Variants in SEMA6B observed in about 807,000 individuals in gnomAD.
SEMA6B encodes the protein semaphorin 6B, also known as semaphorin-6B.
SEMA6B carries 47 observed loss-of-function variants against 78.6 expected under a neutral mutation model. The observed-to-expected ratio is 0.60, with a 90% confidence interval of 0.47 to 0.76. SEMA6B has a LOEUF of 0.76. SEMA6B is among the 30% of genes least tolerant of loss of function. The pLI is 0.00. For synonymous variants in SEMA6B, 632 were observed against 592.2 expected, an observed-to-expected ratio of 1.07 and a Z score of -0.98; for missense variants, 1,213 against 1,269.9, an observed-to-expected ratio of 0.96 and a Z score of 0.68.
rs1977111357 is a variant in SEMA6B, at chr19:4,544,425, C to T, written c.1843G>A (p.Gly615Ser). The T allele has an allele frequency of 1.9e-6, 3 of 1,603,318 alleles. No homozygotes were observed. Among genetic ancestry groups the T allele is most frequent in the East Asian group, 2.3e-5 (1 of 44,088 alleles). Residue 615 changes from glycine (G) to serine (S), a missense_variant, in exon 17 of 17, where the codon GGC becomes AGC. Coordinates refer to ENST00000586582, the MANE Select transcript of SEMA6B (RefSeq NM_032108.4). The surrounding 1 kb of genome is among the most constrained non-coding windows in gnomAD (Gnocchi z 5.1). ...AAFVVGAVVS[G>S]FSVGWFVGLR... ...CCCACGAACCAGCCCACGCTGAAGC[C>T]GGACACCACGGCTCCCACCACGAAG...
chr19:4,543,063 A>G lies in SEMA6B; in HGVS notation c.*538T>C. ...TGGCCCACTTGACACACACGCCCAC[A>G]GCAGCCTTCGCTGGCACGCACACAC... On this transcript the variant is annotated 3_prime_UTR_variant, in exon 17 of 17. Coordinates refer to ENST00000586582, the MANE Select transcript of SEMA6B (RefSeq NM_032108.4). 4.6e-6 allele frequency: 3 copies of G among 649,140 alleles called. No homozygotes were observed. Among genetic ancestry groups the G allele is most frequent in the Non-Finnish European group, 8.4e-6 (3 of 356,246 alleles). 40.2% of individuals were successfully genotyped at this position (649,140 alleles called of 1,614,324 possible). A position where few individuals can be genotyped will look rare whatever the true frequency, so the allele number is the denominator to read the frequency against.
intron 14 of SEMA6B, 113 bp downstream of exon 14, chr19:4,547,914 G>T: frequency 7.4e-7 from 1 of 1,342,806 alleles, no homozygotes; most frequent in South Asian, 1.5e-5. Flanking sequence ...CATGCCCTCT[G>T]CCCAGCTCAA....
In SEMA6B at chr19:4,555,868, A is replaced by G; in HGVS notation, c.471+120T>C. On this transcript the variant is annotated intron_variant, in intron 6 of 16. Coordinates refer to ENST00000586582, the MANE Select transcript of SEMA6B (RefSeq NM_032108.4). The surrounding 1 kb of genome is among the most constrained non-coding windows in gnomAD (Gnocchi z 6.1). ...CTCAGGGGGAGGAGGCAGGGAGAGT[A>G]TATCCAGGAAGGCTTCCTGGAGGAG... 1.2e-6 allele frequency: 1 copy of G among 812,772 alleles called. No individual in the cohort carries two copies. The highest frequency in any genetic ancestry group is 2.1e-6 in the Non-Finnish European group (1 of 470,898). The allele number at this position is 812,772 out of a possible 1,614,324, so 50.3% of individuals were successfully genotyped here.
chr19:4,544,623 A>C lies in SEMA6B; in HGVS notation c.1739-94T>G. The C allele has an allele frequency of 1.6e-6, 1 of 632,134 alleles. No individual in the cohort carries two copies. 39.2% of individuals were successfully genotyped at this position (632,134 alleles called of 1,614,324 possible). ...GGGGCCCTCTGTCCTCTTTTTTATT[A>C]TTTTTATTTTTTTTTATTTATTTAT... is the stretch of plus-strand genomic sequence containing the variant. On this transcript the variant is annotated intron_variant, in intron 16 of 16. Transcript: ENST00000586582. The surrounding 1 kb of genome is among the most constrained non-coding windows in gnomAD (Gnocchi z 5.1).
In SEMA6B at chr19:4,548,303, T is replaced by C. The variant is rs776308138; in HGVS notation, c.1414A>G (p.Ser472Gly). Reference protein sequence around the residue: ...NASTSGTSGLSVFLEEFETYR... With the variant: ...NASTSGTSGLGVFLEEFETYR... ...GTCTCAAACTCCTCCAGGAAGACAC[T>C]GAGCCCAGACGTCCCTGAGGTGCTG... The change falls in exon 13 of 17, where the codon AGT (serine) becomes GGT (glycine). Residue 472 changes from serine to glycine, a missense_variant. By Grantham distance (56) the Ser-to-Gly change is moderately conservative. Transcript: ENST00000586582. 1 of 1,613,618 alleles carries C rather than the reference T, an allele frequency of 6.2e-7. No homozygotes were observed. The highest frequency in any genetic ancestry group is 8.5e-7 in the Non-Finnish European group (1 of 1,179,870).
rs578174508 is a variant in SEMA6B at position 4,548,119 on chromosome 19, C to T, written c.1509G>A (p.Leu503=). Residue 503 remains leucine (L), a synonymous_variant, in exon 14 of 17, where the codon CTG becomes CTA. Transcript: ENST00000586582. ...ETGQRLLSLE[L]DAASGGLLAA... ...CCAGCAGGCCCCCCGAAGCTGCGTC[C>T]AGCTCCAAGCTCAGCAGCCGCTGCC... 8.8e-6 allele frequency: 14 copies of T among 1,592,224 alleles called. No individual in the cohort carries two copies. The South Asian group carries it at 1.4e-4, about 16-fold the overall frequency.
chr19:4,550,237 T>C lies in SEMA6B; in HGVS notation c.1157A>G (p.Asn386Ser), dbSNP rs763966853. The change falls in exon 12 of 17, where the codon AAT becomes AGT. Residue 386 changes from asparagine (N) to serine (S), a missense_variant. By Grantham distance (46) the Asn-to-Ser change is conservative. Transcript: ENST00000586582. This position sits in a 1 kb window ranked among gnomAD's most constrained non-coding sequence, Gnocchi z 6.6. ...GCCAAPGMQY[N>S]ASSALPDDIL... ...GTCATCCGGCAAGGCGCTGGAGGCA[T>C]TGTACTGCATCCCGGGGGCTGCGCA... 6.2e-7 allele frequency: 1 copy of C among 1,613,514 alleles called. No individual in the cohort carries two copies. Among genetic ancestry groups the C allele is most frequent in the Non-Finnish European group, 8.5e-7 (1 of 1,179,934 alleles).
Position 4,543,149 on chromosome 19 carries a change from C to T in SEMA6B, c.*452G>A. 1 of 611,856 alleles carries T rather than the reference C, an allele frequency of 1.6e-6. No individual in the cohort carries two copies. The highest frequency in any genetic ancestry group is 1.9e-5 in the South Asian group (1 of 53,680). 37.9% of individuals were successfully genotyped at this position (611,856 alleles called of 1,614,324 possible). On this transcript the variant is annotated 3_prime_UTR_variant, in exon 17 of 17. Coordinates refer to ENST00000586582, the MANE Select transcript of SEMA6B (RefSeq NM_032108.4). ...GCACGCACACGCACGCACACCCACA[C>T]ACGCCAGGGGCCTGGGTTGGGGAGG...
At position 4,556,017 on chromosome 19, in the gene SEMA6B, C is replaced by G; in HGVS notation, c.442G>C (p.Ala148Pro). Residue 148 changes from alanine to proline, a missense_variant, in exon 6 of 17, where the codon GCC (alanine) becomes CCC (proline). Transcript: ENST00000586582. ...TAGTTGGCGCACACCGGGTTGAAGG[C>G]GTTGGAACCGCACACAAAGAGCGTG... is the stretch of plus-strand genomic sequence containing the variant. The part of the protein sequence containing the change: ...ESTLFVCGSN[A>P]FNPVCANYSI... 6.2e-7 allele frequency: 1 copy of G among 1,614,138 alleles called. No individual in the cohort carries two copies. Among genetic ancestry groups the G allele is most frequent in the Non-Finnish European group, 8.5e-7 (1 of 1,179,984 alleles).
In SEMA6B at chr19:4,550,449, C is replaced by T. The variant is rs772584373; in HGVS notation, c.1122-177G>A. 2.2e-4 allele frequency among the ~76,000 whole-genome samples: 34 copies of T among 152,192 alleles called. No individual in the cohort carries two copies. Among genetic ancestry groups the T allele is most frequent in the Non-Finnish European group, 4.4e-4 (30 of 67,996 alleles). ...GAGTGCTTTGGCTCACTGCAACCTC[C>T]ACCTCCTGGGTTCAAGCGATTCTCC... On this transcript the variant is annotated intron_variant, in intron 11 of 16. Coordinates refer to ENST00000586582, the MANE Select transcript of SEMA6B (RefSeq NM_032108.4). The surrounding 1 kb of genome is among the most constrained non-coding windows in gnomAD (Gnocchi z 6.6).
rs985525461 is a variant in SEMA6B, at chr19:4,544,631, T to A, written c.1739-102A>T. On this transcript the variant is annotated intron_variant, in intron 16 of 16. Coordinates refer to ENST00000586582, the MANE Select transcript of SEMA6B (RefSeq NM_032108.4). This position sits in a 1 kb window ranked among gnomAD's most constrained non-coding sequence, Gnocchi z 5.1. ...CTGTCCTCTTTTTTATTATTTTTATTTTTTTTTATTTATTTATTTTTTGAG... is the reference window on the plus strand; with the variant it reads ...CTGTCCTCTTTTTTATTATTTTTATATTTTTTTATTTATTTATTTTTTGAG... 6 of 617,474 alleles carry A rather than the reference T, an allele frequency of 9.7e-6. No homozygotes were observed. The highest frequency in any genetic ancestry group is 3.8e-5 in the African/African-American group (2 of 52,302). 38.2% of individuals were successfully genotyped at this position (617,474 alleles called of 1,614,324 possible).
intron 16 of SEMA6B, 101 bp downstream of exon 16, chr19:4,546,115 C>T: frequency 1.6e-6 from 2 of 1,261,042 alleles, no homozygotes; most frequent in Non-Finnish European, 2.2e-6. Flanking sequence ...CCAGTTTCCC[C>T]ACCCACCTCC....
In SEMA6B at chr19:4,552,420, A is replaced by G; in HGVS notation, c.989+2T>C. On this transcript the variant is annotated splice_donor_variant, in intron 10 of 16. Coordinates refer to ENST00000586582, the MANE Select transcript of SEMA6B (RefSeq NM_032108.4). LOFTEE classifies it high-confidence loss of function. This position sits in a 1 kb window ranked among gnomAD's most constrained non-coding sequence, Gnocchi z 7.4. The stretch of plus-strand genomic sequence containing the variant: ...AGTTTGCTCCCATTGGTGGGCGCTG[A>G]CCTGTTGCTGGGCGTGGAAAAAACG... 6.4e-7 allele frequency: 1 copy of G among 1,573,074 alleles called. No homozygotes were observed. The highest frequency in any genetic ancestry group is 8.6e-7 in the Non-Finnish European group (1 of 1,159,538).
At position 4,548,174 on chromosome 19, in the gene SEMA6B, C is replaced by G; in HGVS notation, c.1455-1G>C. ...CTCGCCACCGCCGGGCCGTCCACAC[C>G]TGGGGACAAGCAGAGTGGTGAGGCT... On this transcript the variant is annotated splice_acceptor_variant, in intron 13 of 16. Coordinates refer to ENST00000586582, the MANE Select transcript of SEMA6B (RefSeq NM_032108.4). LOFTEE classifies it high-confidence loss of function. 6.3e-7 allele frequency: 1 copy of G among 1,589,852 alleles called. No individual in the cohort carries two copies.
In SEMA6B at chr19:4,544,105, G is replaced by A; in HGVS notation, c.2163C>T (p.Pro721=). 7.9e-7 allele frequency: 1 copy of A among 1,272,116 alleles called. No individual in the cohort carries two copies. The highest frequency in any genetic ancestry group is 9.9e-7 in the Non-Finnish European group (1 of 1,010,340). The allele number at this position is 1,272,116 out of a possible 1,614,324, so 78.8% of individuals were successfully genotyped here. A position where few individuals can be genotyped will look rare whatever the true frequency, so the allele number is the denominator to read the frequency against. Residue 721 remains proline, a synonymous_variant, in exon 17 of 17, where the codon CCC becomes CCT. Coordinates refer to ENST00000586582, the MANE Select transcript of SEMA6B (RefSeq NM_032108.4). This position sits in a 1 kb window ranked among gnomAD's most constrained non-coding sequence, Gnocchi z 5.1. ...GGGCGTGGGGGTGCGGGTGCGGAGT[G>A]GGCAGGCGCTTCTGCGGCAGCGGCG... The part of the protein sequence containing the change: ...EQTPLPQKRL[P]TPHPHPHALG...
chr19:4,548,207 T>C (rs757575656), intron 13 of SEMA6B, 34 bp from the exon 14 acceptor site: 3 of 1,589,284 alleles, frequency 1.9e-6, no homozygotes, highest in Admixed American at 1.7e-5. Context: ...GCTGAGCGCA[T>C]CTCAGCCCAT....
rs1007917533 is a variant in SEMA6B, at chr19:4,544,579, G to A, written c.1739-50C>T. Reference sequence around the variant, plus strand: ...AGTGGGGCCGGCGGGGTGGCCCTGGGCATCCCTCCTACCTCCTCGGGGCCC... The same window carrying A: ...AGTGGGGCCGGCGGGGTGGCCCTGGACATCCCTCCTACCTCCTCGGGGCCC... On this transcript the variant is annotated intron_variant, in intron 16 of 16. Transcript: ENST00000586582. This position sits in a 1 kb window ranked among gnomAD's most constrained non-coding sequence, Gnocchi z 5.1. 1.3e-5 allele frequency: 16 copies of A among 1,238,400 alleles called. 1 individual carries two copies. In the African/African-American group the frequency reaches 2.2e-4, roughly 17 times the overall value. The allele number at this position is 1,238,400 out of a possible 1,614,324, so 76.7% of individuals were successfully genotyped here.
In SEMA6B at chr19:4,552,399, T is replaced by G. The variant is rs1242895265; in HGVS notation, c.989+23A>C. 1 of 1,553,612 alleles carries G rather than the reference T, an allele frequency of 6.4e-7. No individual in the cohort carries two copies. The highest frequency in any genetic ancestry group is 8.7e-7 in the Non-Finnish European group (1 of 1,148,124). On this transcript the variant is annotated intron_variant, in intron 10 of 16. Coordinates refer to ENST00000586582, the MANE Select transcript of SEMA6B (RefSeq NM_032108.4). The surrounding 1 kb of genome is among the most constrained non-coding windows in gnomAD (Gnocchi z 7.4). Reference sequence around the variant, plus strand: ...CCATGCCCACCAAATGCTCCCAGTTTGCTCCCATTGGTGGGCGCTGACCTG... The same window carrying G: ...CCATGCCCACCAAATGCTCCCAGTTGGCTCCCATTGGTGGGCGCTGACCTG...
chr19:4,549,768 A>G (rs1041031754), intron 12 of SEMA6B, among the ~76,000 whole-genome samples: 6 of 151,546 alleles, frequency 4.0e-5, no homozygotes, highest in South Asian at 4.2e-4. Context: ...GTGAGCCACC[A>G]TGCCCGGCCA....
Sources: allele counts gnomAD v4.1 joint callset (sites outside exome capture counted in the v4.1 genomes callset), GRCh38; gene constraint gnomAD v4.1.1; non-coding constraint Gnocchi (gnomAD v3.1); transcripts MANE v1.5; gene names NCBI Gene and HGNC (gene_info 2026-07-23, HGNC 2026-07-21).